TMEM232: variants seen among roughly 807,000 people sequenced by gnomAD.
The protein encoded by TMEM232 is transmembrane protein 232.
TMEM232 carries 80 observed loss-of-function variants against 78.8 expected under a neutral mutation model. The ratio of observed to expected loss-of-function variants is 1.01; its 90% CI spans 0.85 to 1.22. TMEM232 has a LOEUF of 1.22. TMEM232 is among the 50% of genes most tolerant of loss of function. The pLI is 0.00. For missense variants in TMEM232, 881 were observed against 742.2 expected (o/e 1.19, Z -2.17); for synonymous variants, 297 against 254.3 (o/e 1.17, Z -1.60).
At chr5:110,443,745 A>G (rs1313473996) in intron 12 of TMEM232, among the ~76,000 whole-genome samples, 1 of 152,140 alleles carries the variant, frequency 6.6e-6, no homozygotes, top group South Asian at 2.1e-4. Context: ...ACGGCGTACT[A>G]CCTGGATATC....
chr5:110,567,749 T>C (rs1032800211), intron 11 of TMEM232, among the ~76,000 whole-genome samples: 4 of 151,928 alleles, frequency 2.6e-5, no homozygotes, highest in African/African-American at 9.7e-5. Context: ...CCTTTACACT[T>C]TCTCTAGTCC....
chr5:110,661,039 A>G (rs1789709009), intron 2 of TMEM232, among the ~76,000 whole-genome samples: 1 of 152,050 alleles, frequency 6.6e-6, no homozygotes. Context: ...CTCTACCTTT[A>G]TGAGATCAAT....
At chr5:110,726,816 T>C (rs1257309712), upstream of TMEM232, 5 of 152,224 alleles carry the variant, frequency 3.3e-5, no homozygotes, top group African/African-American at 1.2e-4. Flanking sequence ...ATAAATGCAA[T>C]GTTGTGTGAA....
intron 3 of TMEM232, among the ~76,000 whole-genome samples, chr5:110,397,094 C>T (rs1486847666): frequency 6.6e-6 from 1 of 152,076 alleles, no homozygotes; most frequent in South Asian, 2.1e-4. Context: ...TTATTTATAT[C>T]CCATGCTGAA....
chr5:110,628,662 A>AGTGTGTGTGTGTGTGT (rs146531604), intron 5 of TMEM232, among the ~76,000 whole-genome samples: 7 of 140,724 alleles, frequency 5.0e-5, no homozygotes, highest in East Asian at 2.0e-4. Context: ...GTCAGTATCC[A>AGTGTGTGTGTGTGTGT]GTGTGTGTGT....
At chr5:110,584,433 A>G (rs189447835) in intron 10 of TMEM232, among the ~76,000 whole-genome samples, 80 of 152,216 alleles carry the variant, frequency 5.3e-4, no homozygotes, top group African/African-American at 1.4e-3. Context: ...CCACTAAATG[A>G]GGTATCTAAA....
At chr5:110,394,764 C>A (rs183571133) in intron 3 of TMEM232, among the ~76,000 whole-genome samples, 18 of 152,276 alleles carry the variant, frequency 1.2e-4, no homozygotes, top group African/African-American at 3.8e-4. Context: ...GTGTTACCTT[C>A]TATTCATCAT....
chr5:110,697,296 T>C (rs1488372400), intron 1 of TMEM232, among the ~76,000 whole-genome samples: 3 of 152,134 alleles, frequency 2.0e-5, no homozygotes, highest in Admixed American at 6.6e-5. Context: ...CAAAAATTAA[T>C]TCAAGATGGA....
At chr5:110,726,906 A>C (rs1421963242), upstream of TMEM232, 1 of 152,234 alleles carries the variant, frequency 6.6e-6, no homozygotes, top group Non-Finnish European at 1.5e-5. Context: ...GCAAGAAGCC[A>C]CGGCAAGAAG....
At chr5:110,431,930 G>T (rs1757901793) in intron 12 of TMEM232, among the ~76,000 whole-genome samples, 1 of 151,610 alleles carries the variant, frequency 6.6e-6, no homozygotes, top group African/African-American at 2.4e-5. Flanking sequence ...TATAAAAAGA[G>T]AAATGAATCA....
chr5:110,702,695 A>G (rs988197537), intron 1 of TMEM232, among the ~76,000 whole-genome samples: 1 of 152,052 alleles, frequency 6.6e-6, no homozygotes, highest in Non-Finnish European at 1.5e-5. Context: ...TGCTGATGTT[A>G]TCTGATTCAT....
intron 5 of TMEM232, among the ~76,000 whole-genome samples, chr5:110,633,530 T>C (rs1785419062): frequency 6.6e-6 from 1 of 152,008 alleles, no homozygotes; most frequent in South Asian, 2.1e-4. Context: ...GACTGAATCA[T>C]GGGGGTGGTT....
intron 10 of TMEM232, among the ~76,000 whole-genome samples, chr5:110,597,996 A>G (rs573608164): frequency 1.1e-4 from 16 of 152,332 alleles, no homozygotes; most frequent in African/African-American, 3.6e-4. Flanking sequence ...TGGCAACAGA[A>G]GCCAAAATTG....
Position 110,568,519 on chromosome 5 carries a change from T to A in TMEM232, c.1383A>T (p.Ile461=). The A allele has an allele frequency of 1.3e-6, 2 of 1,549,552 alleles. No homozygotes were observed. Among genetic ancestry groups the A allele is most frequent in the East Asian group, 4.9e-5 (2 of 40,796 alleles). ...DEEQDGLRNM[I]WQTLQKTKDY... ...CCTTTGTTTTCTGCAATGTTTGCCA[T>A]ATCATGTTTCTAAGTCCATCCTGTT... The change falls in exon 11 of 14, where the codon ATA becomes ATT. Residue 461 remains isoleucine (I), a synonymous_variant. Coordinates refer to ENST00000455884, the MANE Select transcript of TMEM232 (RefSeq NM_001039763.4).
rs564197792 is a variant in TMEM232, at chr5:110,606,443, T to C, written c.903-156A>G. Reference sequence around the variant, plus strand: ...TAAAGATTAGTATTGCTTCTCATTATGGTAAAAATATGCAAAGAAGAGACA... The same window carrying C: ...TAAAGATTAGTATTGCTTCTCATTACGGTAAAAATATGCAAAGAAGAGACA... On this transcript the variant is annotated intron_variant, in intron 8 of 13. Coordinates refer to ENST00000455884, the MANE Select transcript of TMEM232 (RefSeq NM_001039763.4). Among the ~76,000 whole-genome samples, 46 of 152,232 alleles carry C rather than the reference T, an allele frequency of 3.0e-4. 1 individual carries two copies. Among genetic ancestry groups the C allele is most frequent in the African/African-American group, 1.1e-3 (46 of 41,594 alleles).
chr5:110,727,221 A>T (rs533905431), upstream of TMEM232, among the ~76,000 whole-genome samples: 3 of 152,354 alleles, frequency 2.0e-5, no homozygotes, highest in African/African-American at 7.2e-5. Context: ...ATCCTTGTAG[A>T]ATTCCTATGT....
At chr5:110,616,081 T>C (rs1229239809) in intron 8 of TMEM232, among the ~76,000 whole-genome samples, 1 of 151,980 alleles carries the variant, frequency 6.6e-6, no homozygotes, top group Non-Finnish European at 1.5e-5. Flanking sequence ...ATTTAAAATT[T>C]GTATGAAACC....
intron 12 of TMEM232, among the ~76,000 whole-genome samples, chr5:110,497,539 G>C (rs1465895027): frequency 6.6e-6 from 1 of 152,068 alleles, no homozygotes; most frequent in Non-Finnish European, 1.5e-5. Context: ...TGACCTGAAG[G>C]ATATTTTAAT....
intron 11 of TMEM232, among the ~76,000 whole-genome samples, chr5:110,535,468 C>A (rs987525567): frequency 6.6e-6 from 1 of 152,158 alleles, no homozygotes. Context: ...AGCTTTATTG[C>A]TCACACAAAG....
Sources: gnomAD v4.1 joint callset for allele counts (sites outside exome capture counted in the v4.1 genomes callset) on GRCh38, gnomAD v4.1.1 for gene constraint, MANE v1.5 for transcripts, NCBI Gene and HGNC (gene_info 2026-07-23, HGNC 2026-07-21) for gene names.